The following TEX2 variants were observed in gnomAD, a reference collection of about 807,000 sequenced individuals.
The protein encoded by TEX2 is testis expressed 2.
A neutral mutation model predicts 106.9 loss-of-function variants in TEX2; 53 were observed. The observed-to-expected ratio is 0.50, with a 90% CI of 0.40 to 0.62. The LOEUF (loss-of-function observed/expected upper bound fraction) is 0.62. Ranked by LOEUF, TEX2 falls within the 20% of genes least tolerant of loss-of-function variation. The pLI is 0.00. For synonymous variants in TEX2, 523 were observed against 534.8 expected, an observed-to-expected ratio of 0.98 and a Z score of 0.30; for missense variants, 1,207 against 1,379.0, an observed-to-expected ratio of 0.88 and a Z score of 1.98.
chr17:64,178,450 C>T (rs2031702516), intron 5 of TEX2, among the ~76,000 whole-genome samples: 1 of 152,172 alleles, frequency 6.6e-6, no homozygotes, highest in Non-Finnish European at 1.5e-5. Context: ...ACTCATGTCT[C>T]ACAATACCCT....
At position 64,236,772 on chromosome 17, in the gene TEX2, A is replaced by G. The variant is rs575089136; in HGVS notation, c.-25-22530T>C. ...TTATTTTTCCCTCAATTTATTATGC[A>G]CACAAACATTTGGAGTTAGCTATAG... On this transcript the variant is annotated intron_variant, in intron 1 of 11. Transcript: ENST00000584379. 7.2e-5 allele frequency among the ~76,000 whole-genome samples: 11 copies of G among 152,358 alleles called. No individual in the cohort carries two copies. In the South Asian group the frequency reaches 2.1e-3, roughly 29 times the overall value.
At chr17:64,179,216 G>C (rs913257555) in intron 5 of TEX2, among the ~76,000 whole-genome samples, 1 of 152,156 alleles carries the variant, frequency 6.6e-6, no homozygotes, top group African/African-American at 2.4e-5. Context: ...CAAAAGGATT[G>C]TAAAATGCAC....
chr17:64,232,292 G>C lies in TEX2; in HGVS notation c.-25-18050C>G, dbSNP rs1269521709. Among the ~76,000 whole-genome samples, 7 of 152,124 alleles carry C rather than the reference G, an allele frequency of 4.6e-5. 1 individual carries two copies. Among genetic ancestry groups the C allele is most frequent in the African/African-American group, 1.7e-4 (7 of 41,422 alleles). ...TGATGAAAAAGGATCTTTTTTAAAT[G>C]AGAGCTGTGGATAAGATCTGTAGTT... is the stretch of plus-strand genomic sequence containing the variant. On this transcript the variant is annotated intron_variant, in intron 1 of 11. Transcript: ENST00000584379.
intron 2 of TEX2, among the ~76,000 whole-genome samples, chr17:64,207,860 T>C (rs888698461): frequency 7.2e-5 from 11 of 151,904 alleles, no homozygotes; most frequent in African/African-American, 1.7e-4. Flanking sequence ...CTCAGCCTCA[T>C]GACTAGCTGG....
rs573594485 is a variant in TEX2 at position 64,258,731 on chromosome 17, T to C, written c.-26+4437A>G. On this transcript the variant is annotated intron_variant, in intron 1 of 11. Coordinates refer to ENST00000584379, the MANE Select transcript of TEX2 (RefSeq NM_001288732.2). The stretch of plus-strand genomic sequence containing the variant: ...GACTGCTAGCAGTAGGGGATGGCAC[T>C]AAGAAATCAACTCTTCATTTTGGAA... Among the ~76,000 whole-genome samples the C allele has an allele frequency of 4.0e-5, 6 of 151,708 alleles. No individual in the cohort carries two copies. In the East Asian group the frequency reaches 1.2e-3, roughly 29 times the overall value.
intron 5 of TEX2, among the ~76,000 whole-genome samples, chr17:64,184,468 G>A (rs1396931963): frequency 6.6e-6 from 1 of 151,994 alleles, no homozygotes. Context: ...ACATTTCTAG[G>A]TACCAGTCCT....
At chr17:64,261,732 A>G (rs1488497663) in intron 1 of TEX2, among the ~76,000 whole-genome samples, 5 of 152,202 alleles carry the variant, frequency 3.3e-5, no homozygotes, top group Admixed American at 3.3e-4. Context: ...CCCAGAAAAA[A>G]AAGAAAGAAA....
In TEX2 at chr17:64,195,686, T is replaced by C. The variant is rs1027800010; in HGVS notation, c.1645-591A>G. On this transcript the variant is annotated intron_variant, in intron 2 of 11. Coordinates refer to ENST00000584379, the MANE Select transcript of TEX2 (RefSeq NM_001288732.2). The surrounding 1 kb of genome is among the most constrained non-coding windows in gnomAD (Gnocchi z 4.1). ...TAATATATCAAAATTCAAAGATACATAGTAACTTAAATGGGTAAAATTGTG... is the reference window on the plus strand; with the variant it reads ...TAATATATCAAAATTCAAAGATACACAGTAACTTAAATGGGTAAAATTGTG... Among the ~76,000 whole-genome samples, 3 of 152,228 alleles carry C rather than the reference T, an allele frequency of 2.0e-5. No individual in the cohort carries two copies. Among genetic ancestry groups the C allele is most frequent in the South Asian group, 2.1e-4 (1 of 4,836 alleles).
chr17:64,251,676 C>T (rs1408328161), intron 1 of TEX2, among the ~76,000 whole-genome samples: 1 of 152,152 alleles, frequency 6.6e-6, no homozygotes, highest in Non-Finnish European at 1.5e-5. Flanking sequence ...AAGTAGCCCT[C>T]AGGAAGAGAG....
chr17:64,183,981 A>G (rs1241013924), intron 5 of TEX2, among the ~76,000 whole-genome samples: 1 of 152,174 alleles, frequency 6.6e-6, no homozygotes, highest in African/African-American at 2.4e-5. Context: ...GTGAAGTGAC[A>G]TCTGACTGTG....
At chr17:64,211,180 T>G (rs1350001423) in intron 2 of TEX2, among the ~76,000 whole-genome samples, 1 of 152,132 alleles carries the variant, frequency 6.6e-6, no homozygotes, top group African/African-American at 2.4e-5. Context: ...AGGCTGGTCT[T>G]GAACTCCTGA....
At chr17:64,186,674 G>A (rs889087807) in intron 5 of TEX2, among the ~76,000 whole-genome samples, 3 of 152,086 alleles carry the variant, frequency 2.0e-5, no homozygotes, top group Admixed American at 6.6e-5. Context: ...AAAATTAGCT[G>A]GGCATGGTGG....
At chr17:64,170,304 A>G (rs937299087) in intron 7 of TEX2, among the ~76,000 whole-genome samples, 1 of 152,274 alleles carries the variant, frequency 6.6e-6, no homozygotes, top group East Asian at 1.9e-4. Flanking sequence ...TACTAGGAGT[A>G]GCAAGGAACA....
At chr17:64,208,914 A>C (rs2032918809) in intron 2 of TEX2, among the ~76,000 whole-genome samples, 1 of 152,232 alleles carries the variant, frequency 6.6e-6, no homozygotes, top group South Asian at 2.1e-4. Flanking sequence ...GGTGTGGGCT[A>C]CCATGCCCAG....
intron 1 of TEX2, among the ~76,000 whole-genome samples, chr17:64,243,015 G>A (rs950476041): frequency 6.6e-6 from 1 of 151,504 alleles, no homozygotes; most frequent in Admixed American, 6.6e-5. Context: ...TGCAACCTCT[G>A]CCCTCCAGGT....
At chr17:64,193,227 G>C (rs1192613089) in intron 4 of TEX2, among the ~76,000 whole-genome samples, 1 of 152,202 alleles carries the variant, frequency 6.6e-6, no homozygotes, top group African/African-American at 2.4e-5. Flanking sequence ...CAGCCTGAAG[G>C]ATCTCCCTGA....
At chr17:64,149,146 A>G in intron 11 of TEX2, 55 bp from the exon 12 acceptor site, 1 of 1,594,812 alleles carries the variant, frequency 6.3e-7, no homozygotes, top group Non-Finnish European at 8.6e-7. Flanking sequence ...CCAGGCTGTC[A>G]CCCTCCTTTG....
chr17:64,222,869 C>T lies in TEX2; in HGVS notation c.-25-8627G>A, dbSNP rs549160149. 2.6e-5 allele frequency among the ~76,000 whole-genome samples: 4 copies of T among 152,216 alleles called. No homozygotes were observed. In the South Asian group the frequency reaches 8.3e-4, roughly 32 times the overall value. On this transcript the variant is annotated intron_variant, in intron 1 of 11. Transcript: ENST00000584379. Reference sequence around the variant, plus strand: ...GGGAGGCTATTTGGAGCCAAATGCCCTCTAAACCTTAGCCTTGATCCGGTA... The same window carrying T: ...GGGAGGCTATTTGGAGCCAAATGCCTTCTAAACCTTAGCCTTGATCCGGTA...
At chr17:64,206,550 CTTTTTTTTTTTTTTTT>C (rs60956243) in intron 2 of TEX2, among the ~76,000 whole-genome samples, 2 of 77,190 alleles carry the variant, frequency 2.6e-5, no homozygotes, top group East Asian at 4.9e-4. Flanking sequence ...AGAGGTCTTA[CTTTTTTTTTTTTTTTT>C]TTTTTTTTTT....
Sources: allele counts gnomAD v4.1 joint callset (sites outside exome capture counted in the v4.1 genomes callset), GRCh38; gene constraint gnomAD v4.1.1; non-coding constraint Gnocchi (gnomAD v3.1); transcripts MANE v1.5; gene names NCBI Gene and HGNC (gene_info 2026-07-23, HGNC 2026-07-21).